RFC1: variants seen among roughly 807,000 people sequenced by gnomAD.
The protein encoded by RFC1 is replication factor C subunit 1.
Under a neutral mutation model 137.4 loss-of-function variants are expected in RFC1, and 37 were observed. The observed-to-expected ratio is 0.27, with a 90% CI of 0.21 to 0.35. The LOEUF (loss-of-function observed/expected upper bound fraction) is 0.35, where lower values mean the gene tolerates loss of function less well. RFC1 is among the 10% of genes least tolerant of loss of function. The probability of loss-of-function intolerance (pLI) is 1.00; values close to 1 mark genes in which losing one functional copy is unlikely to be tolerated. For synonymous variants in RFC1, 429 were observed against 455.7 expected (o/e 0.94, Z 0.75); for missense variants, 1,205 against 1,358.5 (o/e 0.89, Z 1.78).
intron 2 of RFC1, among the ~76,000 whole-genome samples, chr4:39,346,674 G>C (rs1354965779): frequency 6.6e-6 from 1 of 151,944 alleles, no homozygotes; most frequent in Non-Finnish European, 1.5e-5. Flanking sequence ...AAAAACATAA[G>C]AACAATCAAC....
intron 21 of RFC1, among the ~76,000 whole-genome samples, chr4:39,296,413 C>T (rs1321878638): frequency 9.8e-6 from 1 of 101,582 alleles, no homozygotes; most frequent in East Asian, 3.3e-4. Context: ...TCCCCCCACC[C>T]CACCACAGTC....
At chr4:39,327,803 T>C in intron 4 of RFC1, 47 bp from the exon 5 acceptor site, 1 of 1,380,390 alleles carries the variant, frequency 7.2e-7, no homozygotes. Context: ...ATCAATTCGG[T>C]TATACAAAGA....
Position 39,288,822 on chromosome 4 carries a change from G to A in RFC1, c.3383C>T (p.Pro1128Leu). The change falls in exon 25 of 25, where the codon CCT (proline) becomes CTT (leucine). Residue 1128 changes from proline to leucine, a missense_variant. By Grantham distance (98) the Pro-to-Leu change is moderately conservative. Transcript: ENST00000349703. ...CTCCTTATCTTTTTCTGGTTTTGAA[G>A]GCTTTGAAGATTTTGTCTTTTTCTG... is the stretch of plus-strand genomic sequence containing the variant. ...MIKKKTKSSKPSKPEKDKEPR... is the reference protein window; with the variant it reads ...MIKKKTKSSKLSKPEKDKEPR... 6.2e-7 allele frequency: 1 copy of A among 1,610,570 alleles called. No homozygotes were observed.
chr4:39,353,953 A>G (rs1741337261), intron 1 of RFC1, among the ~76,000 whole-genome samples: 1 of 152,206 alleles, frequency 6.6e-6, no homozygotes, highest in Non-Finnish European at 1.5e-5. Flanking sequence ...AATTCAGGAA[A>G]CAGAGCCACT....
intron 4 of RFC1, among the ~76,000 whole-genome samples, chr4:39,337,780 C>A (rs11727502): frequency 0.42 from 64,213 of 151,928 alleles, 16,264 homozygotes; most frequent in East Asian, 0.63. Flanking sequence ...ATATTTTCTG[C>A]TACTATTTTC....
In RFC1 at chr4:39,300,417, G is replaced by C; in HGVS notation, c.2536-3C>G. 6.2e-7 allele frequency: 1 copy of C among 1,609,308 alleles called. No homozygotes were observed. Among genetic ancestry groups the C allele is most frequent in the Non-Finnish European group, 8.5e-7 (1 of 1,177,864 alleles). On this transcript the variant is annotated splice_polypyrimidine_tract_variant and splice_region_variant and intron_variant, in intron 19 of 24. Coordinates refer to ENST00000349703, the MANE Select transcript of RFC1 (RefSeq NM_002913.5). ...TTCCGGGCAACATCAAATGGGCCCT[G>C]AAAAAAGAGAGGGACACACCTATTA...
chr4:39,330,100 G>A (rs945453377), intron 4 of RFC1, among the ~76,000 whole-genome samples: 4 of 151,916 alleles, frequency 2.6e-5, no homozygotes, highest in Admixed American at 6.6e-5. Context: ...GATGGGGGAC[G>A]GTTCACTGTA....
intron 4 of RFC1, among the ~76,000 whole-genome samples, chr4:39,330,224 T>C (rs1383935934): frequency 1.3e-5 from 2 of 152,090 alleles, no homozygotes; most frequent in East Asian, 3.8e-4. Context: ...GTGTTATCCT[T>C]AGGTGGCTGC....
rs759284813 is a variant in RFC1 at position 39,289,999 on chromosome 4, T to C, written c.3209A>G (p.His1070Arg). The change falls in exon 24 of 25, where the codon CAC (histidine) becomes CGC (arginine). Residue 1070 changes from histidine (H) to arginine (R), a missense_variant. Physicochemically the swap from His to Arg is conservative, Grantham distance 29. This residue lies in a region of RFC1 where 237 missense variants were observed against 304.2 expected (regional missense o/e 0.78). Transcript: ENST00000349703. ...AFTRAYNKEAHLTPYSLQAIK... is the reference protein window; with the variant it reads ...AFTRAYNKEARLTPYSLQAIK... ...AGCTTGAAGTGAGTATGGAGTAAGG[T>C]GGGCTTCCTTATTGTAAGCTCTTGT... 1 of 1,613,904 alleles carries C rather than the reference T, an allele frequency of 6.2e-7. No homozygotes were observed. Among genetic ancestry groups the C allele is most frequent in the African/African-American group, 1.3e-5 (1 of 75,030 alleles).
chr4:39,348,781 G>C (rs1741037412), intron 2 of RFC1, among the ~76,000 whole-genome samples: 1 of 152,204 alleles, frequency 6.6e-6, no homozygotes, highest in African/African-American at 2.4e-5. Context: ...CTTGTGGGCA[G>C]GATGGCCCAG....
intron 12 of RFC1, among the ~76,000 whole-genome samples, chr4:39,310,096 G>A (rs577916739): frequency 1.3e-5 from 2 of 152,212 alleles, no homozygotes; most frequent in South Asian, 4.1e-4. Flanking sequence ...GATGCACTGA[G>A]GACACAAGAT....
intron 3 of RFC1, among the ~76,000 whole-genome samples, chr4:39,343,817 A>T (rs2109735035): frequency 6.6e-6 from 1 of 152,342 alleles, no homozygotes. Flanking sequence ...TATTTTAAGA[A>T]TTCACACCAG....
rs765394560 is a variant in RFC1, at chr4:39,303,047, G to T, written c.2202+13C>A. The T allele has an allele frequency of 6.3e-7, 1 of 1,588,682 alleles. No individual in the cohort carries two copies. The highest frequency in any genetic ancestry group is 8.6e-7 in the Non-Finnish European group (1 of 1,156,922). On this transcript the variant is annotated intron_variant, in intron 16 of 24. Transcript: ENST00000349703. ...TCAACAGTGAAACTGCAAAAATACAGCACTTGAATTACCTGAATTCCTCCC... is the reference window on the plus strand; with the variant it reads ...TCAACAGTGAAACTGCAAAAATACATCACTTGAATTACCTGAATTCCTCCC...
At chr4:39,355,096 A>AT (rs59993299) in intron 1 of RFC1, among the ~76,000 whole-genome samples, 853 of 60,064 alleles carry the variant, frequency 0.014, 6 homozygotes, top group African/African-American at 0.042. Context: ...AAAAAAAAAA[A>AT]ATACACACAC....
Position 39,308,632 on chromosome 4 carries a change from T to G in RFC1, c.1885+4A>C. 6.2e-7 allele frequency: 1 copy of G among 1,605,914 alleles called. No individual in the cohort carries two copies. Among genetic ancestry groups the G allele is most frequent in the Non-Finnish European group, 8.5e-7 (1 of 1,174,600 alleles). ...CACAAAAATGAGTGAGGTTGTAAAA[T>G]CACCGTGTTTTTTATCTTCGGAAGA... On this transcript the variant is annotated splice_donor_region_variant and intron_variant, in intron 13 of 24. Transcript: ENST00000349703.
chr4:39,351,152 G>A lies in RFC1; in HGVS notation c.132+196C>T, dbSNP rs973159508. Among the ~76,000 whole-genome samples the A allele has an allele frequency of 2.7e-5, 4 of 150,210 alleles. No individual in the cohort carries two copies. In the South Asian group the frequency reaches 6.3e-4, roughly 24 times the overall value. ...TGTAGTCCCAGCTACTCGGGAGACT[G>A]AGGCAGGAGAATGGCATGAACCCAG... is the stretch of plus-strand genomic sequence containing the variant. On this transcript the variant is annotated intron_variant, in intron 2 of 24. Coordinates refer to ENST00000349703, the MANE Select transcript of RFC1 (RefSeq NM_002913.5).
intron 2 of RFC1, among the ~76,000 whole-genome samples, chr4:39,346,217 C>G (rs528639217): frequency 1.0e-3 from 153 of 152,360 alleles, no homozygotes; most frequent in African/African-American, 3.4e-3. Context: ...TGGCTCACGC[C>G]TGTAATCCCA....
rs1560593646 is a variant in RFC1 at position 39,303,144 on chromosome 4, T to C, written c.2118A>G (p.Ala706=). 1.2e-6 allele frequency: 2 copies of C among 1,612,866 alleles called. No homozygotes were observed. Among genetic ancestry groups the C allele is most frequent in the Non-Finnish European group, 1.7e-6 (2 of 1,178,982 alleles). ...CATGTTTCGTGCTTACTGAAGAGGC[T>C]GCTCCATCTGACCCAGGTTGAGGAG... ...TSIKGFYSNG[A]ASSVSTKHAL... Residue 706 remains alanine (A), a synonymous_variant, in exon 16 of 25, where the codon GCA becomes GCG. Coordinates refer to ENST00000349703, the MANE Select transcript of RFC1 (RefSeq NM_002913.5).
rs763110585 is a variant in RFC1, at chr4:39,342,339, C to T, written c.331+6G>A. 4 of 1,611,062 alleles carry T rather than the reference C, an allele frequency of 2.5e-6. No homozygotes were observed. The highest frequency in any genetic ancestry group is 1.7e-6 in the Non-Finnish European group (2 of 1,178,168). On this transcript the variant is annotated splice_donor_region_variant and intron_variant, in intron 4 of 24. Coordinates refer to ENST00000349703, the MANE Select transcript of RFC1 (RefSeq NM_002913.5). ...CGGCATCTCATATACCACAATGCAA[C>T]CTTACCTGTTTCTGAAATGTATGTA...
Sources: allele counts gnomAD v4.1 joint callset (sites outside exome capture counted in the v4.1 genomes callset), GRCh38; gene constraint gnomAD v4.1.1; regional missense constraint gnomAD v4.1.1; transcripts MANE v1.5; gene names NCBI Gene and HGNC (gene_info 2026-07-23, HGNC 2026-07-21).